ZNF804B: variants seen among roughly 807,000 people sequenced by gnomAD.
ZNF804B encodes zinc finger protein 804B, also known as zinc finger 804B.
ZNF804B carries 80 observed loss-of-function variants against 101.4 expected under a neutral mutation model. The observed-to-expected ratio is 0.79, with a 90% CI of 0.66 to 0.95. ZNF804B has a LOEUF of 0.95. Among genes scored for constraint, ZNF804B ranks in the 40% least tolerant of loss-of-function variants. The pLI, the probability that ZNF804B is intolerant of heterozygous loss-of-function variation, is 0.00. For synonymous variants in ZNF804B, 622 were observed against 558.8 expected (o/e 1.11, Z -1.59); for missense variants, 1,673 against 1,561.9 (o/e 1.07, Z -1.20).
At chr7:89,323,476 C>T (rs1241902514) in intron 2 of ZNF804B, among the ~76,000 whole-genome samples, 1 of 152,054 alleles carries the variant, frequency 6.6e-6, no homozygotes, top group Non-Finnish European at 1.5e-5. Context: ...CAATAAAATG[C>T]ATAGAAGTTA....
intron 1 of ZNF804B, among the ~76,000 whole-genome samples, chr7:89,059,382 T>G (rs1789342002): frequency 6.6e-6 from 1 of 152,090 alleles, no homozygotes; most frequent in Non-Finnish European, 1.5e-5. Flanking sequence ...TCAGGAAGCT[T>G]ACAATAATGG....
chr7:88,796,756 C>T (rs1213492344), intron 1 of ZNF804B, among the ~76,000 whole-genome samples: 1 of 152,122 alleles, frequency 6.6e-6, no homozygotes, highest in Non-Finnish European at 1.5e-5. Flanking sequence ...CTATATGTCT[C>T]TTTTGTGAGG....
At chr7:89,059,972 A>G (rs1789353863) in intron 1 of ZNF804B, among the ~76,000 whole-genome samples, 1 of 152,092 alleles carries the variant, frequency 6.6e-6, no homozygotes, top group South Asian at 2.1e-4. Context: ...CTGCCTTGGA[A>G]ATTAGAGCTC....
At chr7:89,277,969 G>C (rs1790015734) in intron 2 of ZNF804B, among the ~76,000 whole-genome samples, 1 of 152,114 alleles carries the variant, frequency 6.6e-6, no homozygotes, top group Non-Finnish European at 1.5e-5. Context: ...CCCACCAACA[G>C]TGTAAAAGTG....
intron 1 of ZNF804B, among the ~76,000 whole-genome samples, chr7:89,108,053 G>A (rs1790161728): frequency 6.6e-6 from 1 of 152,028 alleles, no homozygotes; most frequent in Non-Finnish European, 1.5e-5. Context: ...AACCACAGAG[G>A]GAAGAGAAAG....
rs1562812904 is a variant in ZNF804B, at chr7:88,854,529, T to TCCTTTCCTTC, written c.108+94449_108+94450insTCCTTCCCTT. Among the ~76,000 whole-genome samples, 412 of 57,862 alleles carry TCCTTTCCTTC rather than the reference T, an allele frequency of 7.1e-3. 14 individuals are homozygous for TCCTTTCCTTC. Among genetic ancestry groups the TCCTTTCCTTC allele is most frequent in the South Asian group, 0.045 (59 of 1,318 alleles). 38.0% of individuals were successfully genotyped at this position (57,862 alleles called of 152,430 possible). ...TTCCTTTCCTTTCCTTTCCTTCCTT[T>TCCTTTCCTTC]CCTTCCTTCCTTCCTTCCTTCCTTC... On this transcript the variant is annotated intron_variant, in intron 1 of 3. Coordinates refer to ENST00000333190, the MANE Select transcript of ZNF804B (RefSeq NM_181646.5).
intron 1 of ZNF804B, among the ~76,000 whole-genome samples, chr7:89,189,264 GA>G (rs549637004): frequency 1.4e-3 from 210 of 150,796 alleles, no homozygotes; most frequent in African/African-American, 4.7e-3. Flanking sequence ...CTATTACTCA[GA>G]AAAAAAAAGA....
chr7:88,801,403 T>G lies in ZNF804B; in HGVS notation c.108+41319T>G, dbSNP rs1790580500. ...CGTGGATAATAGAGAATCATGAGAA[T>G]TTCCTGAGTGCCTGTAATTATAACT... is the stretch of plus-strand genomic sequence containing the variant. On this transcript the variant is annotated intron_variant, in intron 1 of 3. Coordinates refer to ENST00000333190, the MANE Select transcript of ZNF804B (RefSeq NM_181646.5). Among the ~76,000 whole-genome samples the G allele has an allele frequency of 2.0e-5, 3 of 152,036 alleles. No homozygotes were observed. The South Asian group carries it at 6.2e-4, about 31-fold the overall frequency.
intron 1 of ZNF804B, among the ~76,000 whole-genome samples, chr7:89,158,322 G>C (rs117378771): frequency 1.3e-5 from 2 of 152,082 alleles, no homozygotes; most frequent in Non-Finnish European, 1.5e-5. Context: ...ACTGCCCTCC[G>C]TATAATCTTC....
At chr7:89,020,860 A>G (rs1410037149) in intron 1 of ZNF804B, among the ~76,000 whole-genome samples, 1 of 152,178 alleles carries the variant, frequency 6.6e-6, no homozygotes, top group African/African-American at 2.4e-5. Flanking sequence ...CTTTCAAAAC[A>G]TGAATTGTTT....
At chr7:88,942,972 A>T (rs1262659755) in intron 1 of ZNF804B, among the ~76,000 whole-genome samples, 1 of 151,934 alleles carries the variant, frequency 6.6e-6, no homozygotes, top group Non-Finnish European at 1.5e-5. Flanking sequence ...TTTCCCAAAG[A>T]ACAGAAAAAC....
At chr7:89,189,260 C>T (rs747299429) in intron 1 of ZNF804B, among the ~76,000 whole-genome samples, 1 of 151,938 alleles carries the variant, frequency 6.6e-6, no homozygotes, top group Non-Finnish European at 1.5e-5. Flanking sequence ...AGCCCTATTA[C>T]TCAGAAAAAA....
chr7:89,320,299 C>T (rs1177878574), intron 2 of ZNF804B, among the ~76,000 whole-genome samples: 1 of 151,348 alleles, frequency 6.6e-6, no homozygotes, highest in African/African-American at 2.4e-5. Flanking sequence ...TAATGATATA[C>T]AACAAAAATG....
chr7:88,856,392 A>G (rs1258801142), intron 1 of ZNF804B, among the ~76,000 whole-genome samples: 1 of 152,050 alleles, frequency 6.6e-6, no homozygotes, highest in Non-Finnish European at 1.5e-5. Context: ...TTCACTCATG[A>G]TTTGGCTCTC....
At chr7:89,137,808 G>T (rs144435479) in intron 1 of ZNF804B, among the ~76,000 whole-genome samples, 22 of 152,144 alleles carry the variant, frequency 1.4e-4, no homozygotes, top group African/African-American at 5.3e-4. Flanking sequence ...TGCCTCCAGG[G>T]CATGTCAGAG....
chr7:89,108,774 C>A (rs927236745), intron 1 of ZNF804B, among the ~76,000 whole-genome samples: 3 of 151,946 alleles, frequency 2.0e-5, no homozygotes, highest in East Asian at 1.9e-4. Context: ...GAAGAAATGA[C>A]TGAAGATCAA....
intron 2 of ZNF804B, among the ~76,000 whole-genome samples, chr7:89,223,959 A>T (rs190809078): frequency 2.7e-3 from 406 of 152,090 alleles, no homozygotes; most frequent in Non-Finnish European, 3.9e-3. Flanking sequence ...ACAGAACTGT[A>T]ACTATTAATA....
At chr7:89,319,258 T>C (rs1194093131) in intron 2 of ZNF804B, among the ~76,000 whole-genome samples, 2 of 152,136 alleles carry the variant, frequency 1.3e-5, no homozygotes, top group Non-Finnish European at 2.9e-5. Context: ...ACACTCCATC[T>C]CAAAAATAAA....
At chr7:89,241,606 T>C (rs1470208815) in intron 2 of ZNF804B, among the ~76,000 whole-genome samples, 2 of 152,140 alleles carry the variant, frequency 1.3e-5, no homozygotes, top group African/African-American at 4.8e-5. Flanking sequence ...CTTTAACCTC[T>C]GAGTACTTTC....
Sources: allele counts gnomAD v4.1 joint callset (sites outside exome capture counted in the v4.1 genomes callset), GRCh38; gene constraint gnomAD v4.1.1; transcripts MANE v1.5; gene names NCBI Gene and HGNC (gene_info 2026-07-23, HGNC 2026-07-21).